CREBBP: variants seen among roughly 807,000 people sequenced by gnomAD.
The protein encoded by CREBBP is CREB-binding protein.
A neutral mutation model predicts 265.0 loss-of-function variants in CREBBP; 19 were observed. The ratio of observed to expected loss-of-function variants is 0.07; its 90% CI spans 0.05 to 0.11. CREBBP has a LOEUF of 0.11. CREBBP is among the 10% of genes least tolerant of loss of function. CREBBP has a pLI of 1.00. For synonymous variants in CREBBP, 1,457 were observed against 1,223.7 expected, an observed-to-expected ratio of 1.19 and a Z score of -3.98; for missense variants, 2,525 against 3,219.0, an observed-to-expected ratio of 0.78 and a Z score of 5.22.
chr16:3,764,433 C>T (rs1333372342), intron 16 of CREBBP, among the ~76,000 whole-genome samples: 2 of 151,382 alleles, frequency 1.3e-5, no homozygotes, highest in Middle Eastern at 3.2e-3. Context: ...CACCACCACA[C>T]CTGGCTAATT....
At chr16:3,764,094 G>A (rs1462404264) in intron 16 of CREBBP, among the ~76,000 whole-genome samples, 2 of 151,324 alleles carry the variant, frequency 1.3e-5, no homozygotes, top group Admixed American at 6.6e-5. Flanking sequence ...ACAGTCACAA[G>A]AAAAAAAATA....
intron 2 of CREBBP, among the ~76,000 whole-genome samples, chr16:3,826,968 T>C (rs1042930691): frequency 6.6e-6 from 1 of 152,172 alleles, no homozygotes; most frequent in Non-Finnish European, 1.5e-5. Context: ...GTACTATCTT[T>C]TAATTTTTCT....
intron 8 of CREBBP, among the ~76,000 whole-genome samples, chr16:3,779,128 T>A (rs568978497): frequency 1.3e-5 from 2 of 151,092 alleles, no homozygotes; most frequent in African/African-American, 4.9e-5. Context: ...GATCGTGCCA[T>A]TGCACTCCAG....
chr16:3,846,620 A>C (rs1015533192), intron 2 of CREBBP, among the ~76,000 whole-genome samples: 14 of 152,210 alleles, frequency 9.2e-5, no homozygotes, highest in Non-Finnish European at 1.6e-4. Context: ...TTCCTATTGT[A>C]CCTATGAAGA....
intron 2 of CREBBP, among the ~76,000 whole-genome samples, chr16:3,841,916 T>A (rs565592954): frequency 3.3e-5 from 5 of 152,292 alleles, no homozygotes; most frequent in Non-Finnish European, 7.4e-5. Flanking sequence ...TTGACAAGCC[T>A]GCAGTGACTC....
intron 16 of CREBBP, among the ~76,000 whole-genome samples, chr16:3,763,440 T>G (rs1296629208): frequency 6.6e-6 from 1 of 152,002 alleles, no homozygotes; most frequent in East Asian, 1.9e-4. Flanking sequence ...GAGTTGCAGG[T>G]GTGAACCCCA....
intron 1 of CREBBP, among the ~76,000 whole-genome samples, chr16:3,871,772 C>T (rs1290018152): frequency 6.6e-6 from 1 of 152,194 alleles, no homozygotes; most frequent in East Asian, 1.9e-4. Context: ...CAGAATTGTA[C>T]AACTCCACTA....
At chr16:3,803,439 A>G (rs2053766060) in intron 3 of CREBBP, among the ~76,000 whole-genome samples, 1 of 152,140 alleles carries the variant, frequency 6.6e-6, no homozygotes, top group African/African-American at 2.4e-5. Flanking sequence ...TGGGAGGCAG[A>G]GGTGGCAGTG....
chr16:3,761,571 C>T (rs984183712), intron 16 of CREBBP: 2 of 518,628 alleles, frequency 3.9e-6, no homozygotes, highest in Non-Finnish European at 7.7e-6. Context: ...AGGATACAGA[C>T]TCTTGACCAA....
chr16:3,761,856 GA>G (rs2052726961), intron 16 of CREBBP, among the ~76,000 whole-genome samples: 1 of 152,164 alleles, frequency 6.6e-6, no homozygotes, highest in African/African-American at 2.4e-5. Context: ...AACTTTTTAT[GA>G]GAAAACAATT....
intron 3 of CREBBP, among the ~76,000 whole-genome samples, chr16:3,802,344 C>T (rs1483944146): frequency 6.6e-6 from 1 of 151,858 alleles, no homozygotes; most frequent in East Asian, 1.9e-4. Flanking sequence ...GTTAGCCAGA[C>T]TGGTCTCAAA....
chr16:3,866,082 A>T (rs2141564653), intron 1 of CREBBP, among the ~76,000 whole-genome samples: 1 of 152,324 alleles, frequency 6.6e-6, no homozygotes, highest in Middle Eastern at 3.4e-3. Context: ...AAAATGTGAA[A>T]TGGGTTCACT....
At chr16:3,822,936 AG>A (rs1398621536) in intron 2 of CREBBP, among the ~76,000 whole-genome samples, 6 of 152,212 alleles carry the variant, frequency 3.9e-5, no homozygotes, top group African/African-American at 1.4e-4. Flanking sequence ...GGAAGCGCCT[AG>A]AAAAGGGAGA....
intron 2 of CREBBP, among the ~76,000 whole-genome samples, chr16:3,849,424 T>TGTGGG (rs2054747198): frequency 1.4e-4 from 1 of 7,402 alleles, no homozygotes; most frequent in Admixed American, 2.5e-3. Flanking sequence ...TGTGTGTGTG[T>TGTGGG]GTGTGTGTGT....
At position 3,770,732 on chromosome 16, in the gene CREBBP, C is replaced by T. The variant is rs2141201086; in HGVS notation, c.2718G>A (p.Val906=). The change falls in exon 14 of 31, where the codon GTG becomes GTA. Residue 906 remains valine (V), a synonymous_variant. Coordinates refer to ENST00000262367, the MANE Select transcript of CREBBP (RefSeq NM_004380.3). ...GQTPTPTPGS[V]PSATQTQSTP... ...TGCTCTGGGTTTGGGTAGCACTGGG[C>T]ACTGAGCCAGGAGTCGGGGTGGGAG... The T allele has an allele frequency of 3.7e-6, 6 of 1,614,050 alleles. No individual in the cohort carries two copies. The highest frequency in any genetic ancestry group is 5.1e-6 in the Non-Finnish European group (6 of 1,180,002).
chr16:3,849,420 T>TGTGTGTGTGTGTGTGTGTGTG (rs2054744269), intron 2 of CREBBP, among the ~76,000 whole-genome samples: 1 of 6,784 alleles, frequency 1.5e-4, no homozygotes, highest in African/African-American at 1.7e-4. Context: ...TGTGTGTGTG[T>TGTGTGTGTGTGTGTGTGTGTG]GTGTGTGTGT....
At chr16:3,824,846 A>C (rs1047751128) in intron 2 of CREBBP, among the ~76,000 whole-genome samples, 8 of 152,040 alleles carry the variant, frequency 5.3e-5, no homozygotes, top group African/African-American at 1.9e-4. Context: ...CCCAATCTCT[A>C]CGCCTCAATC....
intron 1 of CREBBP, among the ~76,000 whole-genome samples, chr16:3,875,155 T>C (rs1016973204): frequency 6.6e-6 from 1 of 152,226 alleles, no homozygotes; most frequent in Non-Finnish European, 1.5e-5. Flanking sequence ...TTGTAAGTTA[T>C]GTTCAATTCT....
chr16:3,757,225 G>C (rs761733137), intron 19 of CREBBP, 63 bp downstream of exon 19: 2 of 1,318,596 alleles, frequency 1.5e-6, no homozygotes, highest in Non-Finnish European at 2.2e-6. Context: ...AATGTACACA[G>C]ACTATAACCA....
Sources: gnomAD v4.1 joint callset for allele counts (sites outside exome capture counted in the v4.1 genomes callset) on GRCh38, gnomAD v4.1.1 for gene constraint, MANE v1.5 for transcripts, NCBI Gene and HGNC (gene_info 2026-07-23, HGNC 2026-07-21) for gene names.